Variants in COL13A1 observed in about 807,000 individuals in gnomAD.
The protein encoded by COL13A1 is collagen type XIII alpha 1 chain.
Under a neutral mutation model 130.9 loss-of-function variants are expected in COL13A1, and 89 were observed. That is an observed-to-expected ratio of 0.68 (90% CI 0.57 to 0.81). COL13A1 has a LOEUF of 0.81. Ranked by LOEUF, COL13A1 falls within the 30% of genes least tolerant of loss-of-function variation. The pLI is 0.00. For synonymous variants in COL13A1, 402 were observed against 341.6 expected (o/e 1.18, Z -1.95); for missense variants, 879 against 934.6 (o/e 0.94, Z 0.78).
At chr10:69,878,208 G>GCCCC (rs1310360013) in intron 6 of COL13A1, 143 bp downstream of exon 6, 4 of 631,128 alleles carry the variant, frequency 6.3e-6, no homozygotes, top group Non-Finnish European at 1.2e-5. Context: ...GCCTCTCACG[G>GCCCC]CCCCGTTTCC....
chr10:69,845,482 C>A (rs893726758), intron 2 of COL13A1, among the ~76,000 whole-genome samples: 14 of 152,050 alleles, frequency 9.2e-5, no homozygotes, highest in African/African-American at 3.4e-4. Context: ...TGTGAGCCAC[C>A]GCACCAGCCC....
At chr10:69,952,079 G>A (rs965861233) in intron 38 of COL13A1, among the ~76,000 whole-genome samples, 8 of 152,298 alleles carry the variant, frequency 5.3e-5, no homozygotes, top group African/African-American at 1.7e-4. Context: ...TAGCTTTTCA[G>A]AAACAAATGA....
Position 69,875,115 on chromosome 10 carries a change from C to T in COL13A1, c.400-13C>T. 2 of 1,614,002 alleles carry T rather than the reference C, an allele frequency of 1.2e-6. No homozygotes were observed. Among genetic ancestry groups the T allele is most frequent in the Non-Finnish European group, 1.7e-6 (2 of 1,179,892 alleles). On this transcript the variant is annotated splice_polypyrimidine_tract_variant and intron_variant, in intron 4 of 40. Transcript: ENST00000645393. ...CAACCACATCTGACTGTTTCTGCCT[C>T]CTTCATCATCAGGGGGACAAAGGTG... is the stretch of plus-strand genomic sequence containing the variant.
At chr10:69,883,753 G>A (rs1002280307) in intron 7 of COL13A1, among the ~76,000 whole-genome samples, 1 of 152,176 alleles carries the variant, frequency 6.6e-6, no homozygotes. Context: ...TTGTCCTGAG[G>A]GTGTGAAGAG....
intron 24 of COL13A1, among the ~76,000 whole-genome samples, chr10:69,924,750 C>T (rs1173830811): frequency 2.0e-5 from 3 of 152,078 alleles, no homozygotes; most frequent in South Asian, 2.1e-4. Flanking sequence ...AGAACGCCAC[C>T]GAGTCTGAAG....
At chr10:69,826,628 G>A (rs1279282945) in intron 2 of COL13A1, among the ~76,000 whole-genome samples, 1 of 152,212 alleles carries the variant, frequency 6.6e-6, no homozygotes, top group Non-Finnish European at 1.5e-5. Context: ...GAGAGGCCTT[G>A]GAGGTTGTTC....
At chr10:69,946,755 G>A (rs980308884) in intron 37 of COL13A1, among the ~76,000 whole-genome samples, 5 of 152,182 alleles carry the variant, frequency 3.3e-5, no homozygotes, top group African/African-American at 1.2e-4. Flanking sequence ...GACCTGGGCT[G>A]GAGAGGTGAG....
At chr10:69,859,781 C>T (rs950257709) in intron 2 of COL13A1, among the ~76,000 whole-genome samples, 8 of 152,226 alleles carry the variant, frequency 5.3e-5, no homozygotes, top group Admixed American at 2.0e-4. Flanking sequence ...GGGCTGCAGC[C>T]GGAGGAGACT....
At chr10:69,827,548 A>G (rs748958045) in intron 2 of COL13A1, among the ~76,000 whole-genome samples, 4 of 152,202 alleles carry the variant, frequency 2.6e-5, no homozygotes, top group Non-Finnish European at 5.9e-5. Context: ...ACCTGATACA[A>G]TTTGTATTCT....
At chr10:69,817,041 C>T (rs192370209) in intron 1 of COL13A1, among the ~76,000 whole-genome samples, 3 of 152,228 alleles carry the variant, frequency 2.0e-5, no homozygotes, top group East Asian at 1.9e-4. Flanking sequence ...GCTTGCAGCC[C>T]ATTTTTGTAA....
chr10:69,825,130 C>A (rs900208138), intron 2 of COL13A1, among the ~76,000 whole-genome samples: 1 of 152,196 alleles, frequency 6.6e-6, no homozygotes, highest in Non-Finnish European at 1.5e-5. Flanking sequence ...TACTATGTGC[C>A]AGGCACAGGA....
chr10:69,903,883 T>G (rs2062452420), intron 15 of COL13A1, among the ~76,000 whole-genome samples: 1 of 152,176 alleles, frequency 6.6e-6, no homozygotes, highest in Non-Finnish European at 1.5e-5. Context: ...ATGGCCTGTT[T>G]GCATGTCTGG....
intron 13 of COL13A1, 126 bp downstream of exon 13, chr10:69,895,702 G>T (rs1350358902): frequency 9.7e-7 from 1 of 1,026,434 alleles, no homozygotes; most frequent in Non-Finnish European, 1.5e-6. Flanking sequence ...AGCACCCACT[G>T]CCCTCTGCAC....
Position 69,894,552 on chromosome 10 carries a change from G to C in COL13A1, c.604G>C (p.Gly202Arg), listed in dbSNP as rs1353658634. 2 of 1,613,910 alleles carry C rather than the reference G, an allele frequency of 1.2e-6. No individual in the cohort carries two copies. Among genetic ancestry groups the C allele is most frequent in the Non-Finnish European group, 1.7e-6 (2 of 1,179,880 alleles). Residue 202 changes from glycine to arginine, a missense_variant and splice_region_variant, in exon 11 of 41, where the codon GGT (glycine) becomes CGT (arginine). By Grantham distance (125) the Gly-to-Arg change is moderately radical. Around this residue, in one of 3 missense-constraint regions of COL13A1, gnomAD observed 715 missense variants for 721.0 expected, o/e 0.99. Coordinates refer to ENST00000645393, the MANE Select transcript of COL13A1 (RefSeq NM_001368882.1). The part of the protein sequence containing the change: ...PGHPGPKGDM[G>R]LTGPPGQPGP... Reference sequence around the variant, plus strand: ...ACCTGTGTGTGTTTGCTTCCCACAGGGTCTGACGGGTCCCCCAGGACAGCC... The same window carrying C: ...ACCTGTGTGTGTTTGCTTCCCACAGCGTCTGACGGGTCCCCCAGGACAGCC...
Position 69,822,383 on chromosome 10 carries a change from C to G in COL13A1, c.309C>G (p.His103Gln). ...NQLLDEKWKL[H>Q]SRRRREAPKT... is the part of the protein sequence containing the mutation. ...TCCTTGTACAGAAATGGAAGCTCCA[C>G]TCAAGGAGGCGCCGGGAGGCCCCAA... Residue 103 changes from histidine to glutamine, a missense_variant, in exon 2 of 41, where the codon CAC becomes CAG. His to Gln is a conservative substitution (Grantham distance 24, BLOSUM62 0). Around this residue, in one of 3 missense-constraint regions of COL13A1, gnomAD observed 715 missense variants for 721.0 expected, o/e 0.99. Transcript: ENST00000645393. The G allele has an allele frequency of 6.3e-7, 1 of 1,588,150 alleles. No homozygotes were observed.
At chr10:69,890,523 A>G (rs562201531) in intron 10 of COL13A1, among the ~76,000 whole-genome samples, 3 of 152,242 alleles carry the variant, frequency 2.0e-5, no homozygotes, top group Non-Finnish European at 2.9e-5. Flanking sequence ...GTCCCTGTTC[A>G]GTGGGGGCCT....
chr10:69,928,088 G>T (rs2065615460), intron 27 of COL13A1, among the ~76,000 whole-genome samples: 1 of 152,146 alleles, frequency 6.6e-6, no homozygotes, highest in Admixed American at 6.5e-5. Context: ...GGAGGCGGAG[G>T]TTGCAGTGAG....
At chr10:69,877,670 C>CTG in intron 5 of COL13A1, 1 of 188,624 alleles carries the variant, frequency 5.3e-6, no homozygotes, top group Non-Finnish European at 1.1e-5. Context: ...CTCTCTCTCT[C>CTG]TCTGTCTCTC....
intron 31 of COL13A1, among the ~76,000 whole-genome samples, chr10:69,934,719 C>G (rs2135937815): frequency 6.6e-6 from 1 of 152,382 alleles, no homozygotes; most frequent in Non-Finnish European, 1.5e-5. Context: ...AGAATCTCCT[C>G]TAGCACAATC....
Sources: allele counts gnomAD v4.1 joint callset (sites outside exome capture counted in the v4.1 genomes callset), GRCh38; gene constraint gnomAD v4.1.1; regional missense constraint gnomAD v4.1.1; transcripts MANE v1.5; gene names NCBI Gene and HGNC (gene_info 2026-07-23, HGNC 2026-07-21).